The following AKT2 variants were observed in gnomAD, a reference collection of about 807,000 sequenced individuals.
AKT2 encodes RAC-beta serine/threonine-protein kinase.
In AKT2, 16 loss-of-function variants were observed where a neutral mutation model predicts 58.6. The observed-to-expected ratio is 0.27, with a 90% CI of 0.18 to 0.41. The LOEUF is 0.41. AKT2 is among the 10% of genes least tolerant of loss of function. AKT2 has a pLI of 1.00. For missense variants in AKT2, 438 were observed against 661.0 expected, an observed-to-expected ratio of 0.66 and a Z score of 3.70; for synonymous variants, 253 against 254.0, an observed-to-expected ratio of 1.00 and a Z score of 0.04.
intron 1 of AKT2, among the ~76,000 whole-genome samples, chr19:40,278,735 T>A (rs1442664858): frequency 1.3e-5 from 2 of 151,662 alleles, no homozygotes; most frequent in Admixed American, 1.3e-4. Context: ...CCCAAATTCA[T>A]CCCGCCGCCT....
rs1301792456 is a variant in AKT2 at position 40,232,917 on chromosome 19, T to C, written c.*955A>G. On this transcript the variant is annotated 3_prime_UTR_variant, in exon 14 of 14. Coordinates refer to ENST00000392038, the MANE Select transcript of AKT2 (RefSeq NM_001626.6). The stretch of plus-strand genomic sequence containing the variant: ...CCTTTTCAGAGGCCCCCCACCCCAA[T>C]AGGTACCAGAGATGCCCACCCCCAC... 7 of 148,280 alleles carry C rather than the reference T, an allele frequency of 4.7e-5. No individual in the cohort carries two copies. Among genetic ancestry groups the C allele is most frequent in the East Asian group, 1.1e-4 (1 of 8,714 alleles). 9.2% of individuals were successfully genotyped at this position (148,280 alleles called of 1,614,324 possible).
In AKT2 at chr19:40,248,261, G is replaced by A. The variant is rs142857272; in HGVS notation, c.288-5574C>T. Among the ~76,000 whole-genome samples the A allele has an allele frequency of 2.6e-3, 394 of 152,336 alleles. 4 individuals carry two copies. The Middle Eastern group carries it at 0.037, about 14-fold the overall frequency. On this transcript the variant is annotated intron_variant, in intron 4 of 13. Coordinates refer to ENST00000392038, the MANE Select transcript of AKT2 (RefSeq NM_001626.6). ...ACACTAGACATAAAGTGCTGAGAGC[G>A]GTGCCCAGCACATTGAGGTCTCAGA...
In AKT2 at chr19:40,235,798, G is replaced by T; in HGVS notation, c.1175+92C>A. On this transcript the variant is annotated intron_variant, in intron 11 of 13. Transcript: ENST00000392038. The surrounding 1 kb of genome is among the most constrained non-coding windows in gnomAD (Gnocchi z 6.3). ...GGGACGACACACTGCGACCCTACAA[G>T]CGAGCACCCTTGTGGACGCTGCCCC... 1 of 1,331,944 alleles carries T rather than the reference G, an allele frequency of 7.5e-7. No individual in the cohort carries two copies. Among genetic ancestry groups the T allele is most frequent in the Non-Finnish European group, 1.0e-6 (1 of 980,162 alleles). The allele number at this position is 1,331,944 out of a possible 1,614,324, so 82.5% of individuals were successfully genotyped here. A position where few individuals can be genotyped will look rare whatever the true frequency, so the allele number is the denominator to read the frequency against.
chr19:40,277,175 G>A (rs1487453191), intron 1 of AKT2, among the ~76,000 whole-genome samples: 2 of 152,298 alleles, frequency 1.3e-5, no homozygotes, highest in East Asian at 1.9e-4. Context: ...ATCAGGGGCC[G>A]TCCTGAGCCT....
chr19:40,270,713 A>C (rs1049679119), intron 1 of AKT2: 2 of 152,210 alleles, frequency 1.3e-5, no homozygotes, highest in Non-Finnish European at 2.9e-5. Flanking sequence ...TCAGGAGATA[A>C]ATTCAAAGAC....
At chr19:40,249,314 G>T (rs565872831) in intron 4 of AKT2, among the ~76,000 whole-genome samples, 2 of 152,298 alleles carry the variant, frequency 1.3e-5, no homozygotes, top group East Asian at 3.9e-4. Context: ...GGAGACAGAG[G>T]TAAGAAAGGT....
chr19:40,262,263 A>G (rs1453443175), intron 2 of AKT2, among the ~76,000 whole-genome samples: 1 of 152,116 alleles, frequency 6.6e-6, no homozygotes, highest in Non-Finnish European at 1.5e-5. Context: ...AAAAAGACAA[A>G]AAACAGGTAG....
Position 40,236,102 on chromosome 19 carries a change from C to A in AKT2, c.963G>T (p.Val321=). 6.2e-7 allele frequency: 1 copy of A among 1,614,068 alleles called. No individual in the cohort carries two copies. The highest frequency in any genetic ancestry group is 8.5e-7 in the Non-Finnish European group (1 of 1,180,024). ...CGTPEYLAPE[V]LEDNDYGRAV... Reference sequence around the variant, plus strand: ...CCCGGCCATAGTCATTGTCCTCCAGCACCTGAGGATGGAGGAGAAATGAGG... The same window carrying A: ...CCCGGCCATAGTCATTGTCCTCCAGAACCTGAGGATGGAGGAGAAATGAGG... The change falls in exon 11 of 14, where the codon GTG becomes GTT. Residue 321 remains valine (V), a splice_region_variant and synonymous_variant. Coordinates refer to ENST00000392038, the MANE Select transcript of AKT2 (RefSeq NM_001626.6).
chr19:40,275,263 C>T (rs191064688), intron 1 of AKT2: 14 of 456,868 alleles, frequency 3.1e-5, no homozygotes, highest in African/African-American at 2.4e-4. Context: ...CCTTACCGCC[C>T]CTGATGTGCA....
chr19:40,242,123 G>A lies in AKT2; in HGVS notation c.442-54C>T. 2 of 1,611,894 alleles carry A rather than the reference G, an allele frequency of 1.2e-6. No individual in the cohort carries two copies. Among genetic ancestry groups the A allele is most frequent in the Admixed American group, 1.7e-5 (1 of 60,014 alleles). ...TCAGCGCCTGGCTCATGGCCCGTGG[G>A]AGGAAATTTTAACAAAAGAAAGAGG... On this transcript the variant is annotated intron_variant, in intron 5 of 13. Transcript: ENST00000392038. This position sits in a 1 kb window ranked among gnomAD's most constrained non-coding sequence, Gnocchi z 4.3.
chr19:40,285,141 C>A, intron 1 of AKT2, 40 bp downstream of exon 1: 1 of 392,438 alleles, frequency 2.5e-6, no homozygotes, highest in Non-Finnish European at 4.5e-6. Context: ...ACGCGACCAT[C>A]GTGGGGGGGG....
At position 40,242,851 on chromosome 19, in the gene AKT2, C is replaced by T; in HGVS notation, c.288-164G>A. On this transcript the variant is annotated intron_variant, in intron 4 of 13. Coordinates refer to ENST00000392038, the MANE Select transcript of AKT2 (RefSeq NM_001626.6). The surrounding 1 kb of genome is among the most constrained non-coding windows in gnomAD (Gnocchi z 4.3). Reference sequence around the variant, plus strand: ...TCAGAACCAGAGAGAGCTGAAGGGACCTGAGTGAAATTCCACGCCAGGCGC... The same window carrying T: ...TCAGAACCAGAGAGAGCTGAAGGGATCTGAGTGAAATTCCACGCCAGGCGC... 1.3e-6 allele frequency: 1 copy of T among 773,114 alleles called. No homozygotes were observed. Among genetic ancestry groups the T allele is most frequent in the Non-Finnish European group, 2.1e-6 (1 of 473,468 alleles). The allele number at this position is 773,114 out of a possible 1,614,324, so 47.9% of individuals were successfully genotyped here.
At chr19:40,278,714 A>C (rs1248147821) in intron 1 of AKT2, among the ~76,000 whole-genome samples, 1 of 151,996 alleles carries the variant, frequency 6.6e-6, no homozygotes, top group Admixed American at 6.5e-5. Context: ...AATCACCAGG[A>C]GTAGCATCAG....
intron 1 of AKT2, chr19:40,275,277 A>G (rs1188386795): frequency 8.8e-6 from 4 of 456,734 alleles, no homozygotes; most frequent in Non-Finnish European, 1.8e-5. Context: ...ATGTGCACGC[A>G]TGCACGGGAG....
Position 40,234,528 on chromosome 19 carries a change from G to A in AKT2, c.1366+517C>T. The A allele has an allele frequency of 3.4e-6, 1 of 294,316 alleles. No homozygotes were observed. Among genetic ancestry groups the A allele is most frequent in the African/African-American group, 2.2e-5 (1 of 46,340 alleles). The allele number at this position is 294,316 out of a possible 1,614,324, so 18.2% of individuals were successfully genotyped here. On this transcript the variant is annotated intron_variant, in intron 13 of 13. Transcript: ENST00000392038. This position sits in a 1 kb window ranked among gnomAD's most constrained non-coding sequence, Gnocchi z 4.7. The stretch of plus-strand genomic sequence containing the variant: ...TGGCATCCCACACGTCATTCCTCCG[G>A]CCAGCTGACACGTTTGCTTCCTCCT...
intron 2 of AKT2, among the ~76,000 whole-genome samples, chr19:40,263,791 G>A (rs535949791): frequency 6.6e-6 from 1 of 152,248 alleles, no homozygotes; most frequent in African/African-American, 2.4e-5. Context: ...TGCCTGCAGC[G>A]CCAGCTTCCT....
intron 6 of AKT2, 112 bp downstream of exon 6, chr19:40,241,826 G>T: frequency 6.7e-7 from 1 of 1,497,806 alleles, no homozygotes. Flanking sequence ...GAATTTGTGG[G>T]GGAAATAAGC....
chr19:40,275,268 T>G (rs913242370), intron 1 of AKT2: 11 of 456,694 alleles, frequency 2.4e-5, no homozygotes, highest in Admixed American at 4.7e-5. Context: ...CCGCCCCTGA[T>G]GTGCACGCAT....
chr19:40,267,380 G>A (rs550990974), intron 1 of AKT2, among the ~76,000 whole-genome samples: 59 of 152,166 alleles, frequency 3.9e-4, no homozygotes, highest in African/African-American at 1.4e-3. Flanking sequence ...CAGCCTCTCC[G>A]CCCTACCTGA....
Sources: gnomAD v4.1 joint callset for allele counts (sites outside exome capture counted in the v4.1 genomes callset) on GRCh38, gnomAD v4.1.1 for gene constraint, Gnocchi (gnomAD v3.1) non-coding constraint, MANE v1.5 for transcripts, NCBI Gene and HGNC (gene_info 2026-07-23, HGNC 2026-07-21) for gene names.